GAS7: variants seen among roughly 807,000 people sequenced by gnomAD.
The protein encoded by GAS7 is growth arrest-specific protein 7.
In GAS7, 28 loss-of-function variants were observed where a neutral mutation model predicts 71.1. The observed-to-expected ratio is 0.39, with a 90% CI of 0.29 to 0.54. The LOEUF (loss-of-function observed/expected upper bound fraction) is 0.54. GAS7 is among the 20% of genes least tolerant of loss of function. The pLI is 0.62. For synonymous variants in GAS7, 258 were observed against 245.8 expected, an observed-to-expected ratio of 1.05 and a Z score of -0.46; for missense variants, 436 against 627.8, an observed-to-expected ratio of 0.69 and a Z score of 3.27.
chr17:10,029,582 G>A (rs766818969), intron 1 of GAS7, among the ~76,000 whole-genome samples: 23 of 152,216 alleles, frequency 1.5e-4, no homozygotes, highest in Admixed American at 2.6e-4. Context: ...GGCTGGGTGC[G>A]GTGCCTCATG....
chr17:9,979,728 C>G (rs111478593), intron 3 of GAS7, among the ~76,000 whole-genome samples: 1 of 152,344 alleles, frequency 6.6e-6, no homozygotes, highest in African/African-American at 2.4e-5. Context: ...GCCGGCCTCC[C>G]TGTCCTGTCC....
intron 1 of GAS7, among the ~76,000 whole-genome samples, chr17:10,167,696 G>A (rs529434070): frequency 6.6e-6 from 1 of 151,804 alleles, no homozygotes; most frequent in African/African-American, 2.4e-5. Context: ...TTAGAGACAG[G>A]GTCTCAATAT....
chr17:9,964,312 C>A (rs1020491382), intron 4 of GAS7, among the ~76,000 whole-genome samples: 4 of 150,210 alleles, frequency 2.7e-5, no homozygotes, highest in East Asian at 3.9e-4. Flanking sequence ...CCCATTTCCT[C>A]CCCCCCTGCA....
At chr17:10,044,110 T>C (rs557992440) in intron 1 of GAS7, among the ~76,000 whole-genome samples, 2 of 152,362 alleles carry the variant, frequency 1.3e-5, no homozygotes, top group East Asian at 1.9e-4. Flanking sequence ...TTTCTTGTAA[T>C]GTCAGGACTT....
chr17:10,062,522 A>G (rs925633659), intron 1 of GAS7, among the ~76,000 whole-genome samples: 4 of 152,182 alleles, frequency 2.6e-5, no homozygotes, highest in Admixed American at 2.6e-4. Flanking sequence ...TAAGTTCTAC[A>G]ACTGATCGAG....
intron 1 of GAS7, among the ~76,000 whole-genome samples, chr17:10,064,309 C>T (rs1277636628): frequency 1.3e-5 from 2 of 152,200 alleles, no homozygotes; most frequent in Non-Finnish European, 2.9e-5. Flanking sequence ...CCAAGCACAC[C>T]GTGGGGGTCT....
At chr17:10,154,156 A>G (rs2074187457) in intron 1 of GAS7, among the ~76,000 whole-genome samples, 2 of 152,206 alleles carry the variant, frequency 1.3e-5, no homozygotes, top group African/African-American at 4.8e-5. Flanking sequence ...AATGCTGGTT[A>G]ACTGTAGTCT....
At chr17:9,927,157 A>G (rs1025829255) in intron 9 of GAS7, among the ~76,000 whole-genome samples, 6 of 147,002 alleles carry the variant, frequency 4.1e-5, no homozygotes, top group African/African-American at 1.5e-4. Flanking sequence ...AATCAAGTTA[A>G]TAATCAATGG....
rs558717467 is a variant in GAS7, at chr17:9,935,607, G to A, written c.807-1363C>T. Among the ~76,000 whole-genome samples, 6 of 152,356 alleles carry A rather than the reference G, an allele frequency of 3.9e-5. No individual in the cohort carries two copies. The East Asian group carries it at 5.8e-4, about 15-fold the overall frequency. ...GGTCTGGAGCAGAGCAGCCAGCAGC[G>A]AAGAATTGCCCAACAGTGCACAGCA... On this transcript the variant is annotated intron_variant, in intron 8 of 13. Transcript: ENST00000432992.
rs2069087014 is a variant in GAS7 at position 9,953,115 on chromosome 17, CTAGA to C, written c.525+6083_525+6086del. Among the ~76,000 whole-genome samples, 4 of 151,546 alleles carry C rather than the reference CTAGA, an allele frequency of 2.6e-5. No homozygotes were observed. In the South Asian group the frequency reaches 8.4e-4, roughly 32 times the overall value. On this transcript the variant is annotated intron_variant, in intron 5 of 13. Coordinates refer to ENST00000432992, the MANE Select transcript of GAS7 (RefSeq NM_201433.2). The stretch of plus-strand genomic sequence containing the variant: ...AACTTAAATGCCCATCAACGATATA[CTAGA>C]TAAAGGAAACGTGGTACATATACAA...
At chr17:10,048,331 C>T (rs545907144) in intron 1 of GAS7, among the ~76,000 whole-genome samples, 1 of 152,174 alleles carries the variant, frequency 6.6e-6, no homozygotes, top group Non-Finnish European at 1.5e-5. Context: ...ACAACAACAA[C>T]AAAAAATCAT....
intron 1 of GAS7, among the ~76,000 whole-genome samples, chr17:10,183,191 C>G (rs988306643): frequency 6.6e-6 from 1 of 152,040 alleles, no homozygotes; most frequent in Non-Finnish European, 1.5e-5. Flanking sequence ...AGCAACATCC[C>G]ATGGGAATAT....
chr17:10,104,581 G>C (rs149389011), intron 1 of GAS7, among the ~76,000 whole-genome samples: 159 of 152,222 alleles, frequency 1.0e-3, no homozygotes, highest in Middle Eastern at 3.4e-3. Flanking sequence ...ATGCTCAGGA[G>C]GAATCTAACG....
chr17:10,043,636 C>T (rs150146815), intron 1 of GAS7, among the ~76,000 whole-genome samples: 225 of 152,274 alleles, frequency 1.5e-3, no homozygotes, highest in African/African-American at 5.2e-3. Context: ...CATAAGGGGC[C>T]GGGCACAGTA....
Position 9,926,817 on chromosome 17 carries a change from TA to T in GAS7, c.886-49del. 1 of 1,609,046 alleles carries T rather than the reference TA, an allele frequency of 6.2e-7. No individual in the cohort carries two copies. Among genetic ancestry groups the T allele is most frequent in the Non-Finnish European group, 8.5e-7 (1 of 1,175,660 alleles). On this transcript the variant is annotated intron_variant, in intron 9 of 13. Coordinates refer to ENST00000432992, the MANE Select transcript of GAS7 (RefSeq NM_201433.2). The surrounding 1 kb of genome is among the most constrained non-coding windows in gnomAD (Gnocchi z 5.0). ...CACTCAGGACCCAGGGCATCAGCTG[TA>T]AGCCAGTGCAGGGAGGAGGGATGGG...
intron 1 of GAS7, among the ~76,000 whole-genome samples, chr17:10,131,038 A>G (rs187612550): frequency 1.2e-4 from 19 of 152,344 alleles, no homozygotes; most frequent in Middle Eastern, 3.4e-3. Context: ...TTATCAAAAC[A>G]TAAAAGGTAT....
rs1245209636 is a variant in GAS7, at chr17:9,916,993, C to G, written c.*235G>C. The G allele has an allele frequency of 1.7e-6, 1 of 571,710 alleles. No individual in the cohort carries two copies. The highest frequency in any genetic ancestry group is 3.1e-6 in the Non-Finnish European group (1 of 320,226). 35.4% of individuals were successfully genotyped at this position (571,710 alleles called of 1,614,324 possible). ...AGAGCGGCAAGCACAGCATGGGAGT[C>G]AGGGGGTCTTCAGCCTCAGAGACAA... On this transcript the variant is annotated 3_prime_UTR_variant, in exon 14 of 14. Transcript: ENST00000432992.
At chr17:10,070,282 C>T (rs2152246347) in intron 1 of GAS7, among the ~76,000 whole-genome samples, 1 of 151,896 alleles carries the variant, frequency 6.6e-6, no homozygotes, top group Admixed American at 6.6e-5. Flanking sequence ...ATCATCCAGC[C>T]ACCAGCCTGG....
chr17:10,164,497 T>C (rs1307943511), intron 1 of GAS7, among the ~76,000 whole-genome samples: 2 of 150,838 alleles, frequency 1.3e-5, no homozygotes, highest in East Asian at 3.9e-4. Flanking sequence ...GAGAAAATTG[T>C]CCTAGAAAAG....
Sources: gnomAD v4.1 joint callset for allele counts (sites outside exome capture counted in the v4.1 genomes callset) on GRCh38, gnomAD v4.1.1 for gene constraint, Gnocchi (gnomAD v3.1) non-coding constraint, MANE v1.5 for transcripts, NCBI Gene and HGNC (gene_info 2026-07-23, HGNC 2026-07-21) for gene names.